Variants in MID2 observed in about 807,000 individuals in gnomAD.
MID2 encodes midline 2.
Under a neutral mutation model 46.1 loss-of-function variants are expected in MID2, and 13 were observed. That is an observed-to-expected ratio of 0.28 (90% CI 0.18 to 0.45). The LOEUF is 0.45. Ranked by LOEUF, MID2 falls within the 20% of genes least tolerant of loss-of-function variation. The pLI, the probability that MID2 is intolerant of heterozygous loss-of-function variation, is 1.00. For missense variants in MID2, 431 were observed against 575.4 expected (o/e 0.75, Z 2.57); for synonymous variants, 199 against 212.3 (o/e 0.94, Z 0.55).
At chrX:107,920,397 A>C (rs997389064) in intron 7 of MID2, among the ~76,000 whole-genome samples, 2 of 112,158 alleles carry the variant, frequency 1.8e-5, no homozygotes, top group Non-Finnish European at 3.8e-5. Flanking sequence ...ATTCCAACAG[A>C]TATTTGAGTG....
At chrX:107,839,115 A>T (rs1458766729) in intron 1 of MID2, among the ~76,000 whole-genome samples, 1 of 106,064 alleles carries the variant, frequency 9.4e-6, no homozygotes, top group Non-Finnish European at 2.0e-5. Context: ...ACACCTTGTT[A>T]AAAAAAAAAG....
At chrX:107,902,079 A>C (rs1932798729) in intron 3 of MID2, among the ~76,000 whole-genome samples, 1 of 112,046 alleles carries the variant, frequency 8.9e-6, no homozygotes, top group South Asian at 3.7e-4. Flanking sequence ...CCCAAATCTC[A>C]TCCCTGCTAT....
At chrX:107,845,525 A>ACTCTCTCTCTCTCTCTCTCT (rs766707051) in intron 2 of MID2, among the ~76,000 whole-genome samples, 2 of 72,946 alleles carry the variant, frequency 2.7e-5, no homozygotes, top group Admixed American at 1.4e-4. Context: ...ACACACACAC[A>ACTCTCTCTCTCTCTCTCTCT]CTCTCTCTCT....
intron 3 of MID2, among the ~76,000 whole-genome samples, chrX:107,890,080 G>A (rs747372090): frequency 4.5e-5 from 5 of 111,500 alleles, no homozygotes; most frequent in African/African-American, 6.5e-5. Context: ...CCTTTAGCTC[G>A]GAGTAGTTTG....
rs1930935399 is a variant in MID2 at position 107,826,146 on chromosome X, AACTCTT to A, written c.-279_-274del. 1 of 294,487 alleles carries A rather than the reference AACTCTT, an allele frequency of 3.4e-6. No individual in the cohort carries two copies. Among genetic ancestry groups the A allele is most frequent in the Non-Finnish European group, 5.9e-6 (1 of 169,498 alleles). 24.3% of individuals were successfully genotyped at this position (294,487 alleles called of 1,213,427 possible). On this transcript the variant is annotated 5_prime_UTR_variant, in exon 1 of 10. Coordinates refer to ENST00000262843, the MANE Select transcript of MID2 (RefSeq NM_012216.4). ...TGCTGCCCCTGGACTGAGGGGCGAA[AACTCTT>A]AAGTTTAGCTCGGGAGGCCCAGCTG... is the stretch of plus-strand genomic sequence containing the variant.
intron 7 of MID2, among the ~76,000 whole-genome samples, chrX:107,919,220 G>A (rs941615351): frequency 1.3e-4 from 14 of 111,367 alleles, no homozygotes; most frequent in African/African-American, 4.6e-4. Flanking sequence ...ATTTACAAAT[G>A]CTCCCACATA....
At chrX:107,833,429 A>ATTT (rs1192153525) in intron 1 of MID2, among the ~76,000 whole-genome samples, 11 of 104,414 alleles carry the variant, frequency 1.1e-4, no homozygotes, top group African/African-American at 3.6e-4. Flanking sequence ...ATATATATAT[A>ATTT]TTTTTTTTAA....
At position 107,882,815 on chromosome X, in the gene MID2, A is replaced by G. The variant is rs146201586; in HGVS notation, c.817-21143A>G. 6.8e-3 allele frequency among the ~76,000 whole-genome samples: 767 copies of G among 112,143 alleles called. 4 individuals are homozygous for G. The highest frequency in any genetic ancestry group is 0.012 in the Non-Finnish European group (624 of 53,205). On this transcript the variant is annotated intron_variant, in intron 3 of 9. Coordinates refer to ENST00000262843, the MANE Select transcript of MID2 (RefSeq NM_012216.4). ...CGTGGCAATTCTTCAAGGATCTGGAACTAGAAATACAATTTGTCCTAGCAA... is the reference window on the plus strand; with the variant it reads ...CGTGGCAATTCTTCAAGGATCTGGAGCTAGAAATACAATTTGTCCTAGCAA...
chrX:107,831,227 G>A (rs1411793365), intron 1 of MID2, among the ~76,000 whole-genome samples: 2 of 111,686 alleles, frequency 1.8e-5, no homozygotes, highest in Non-Finnish European at 1.9e-5. Flanking sequence ...TCCCTGCAGA[G>A]CTCTGGCTGC....
intron 5 of MID2, among the ~76,000 whole-genome samples, chrX:107,912,725 C>T (rs887821757): frequency 2.0e-4 from 22 of 110,966 alleles, no homozygotes; most frequent in Admixed American, 1.9e-3. Flanking sequence ...GGTTATGATT[C>T]CCAACTCTTT....
intron 3 of MID2, among the ~76,000 whole-genome samples, chrX:107,886,846 G>T (rs1242864270): frequency 8.9e-6 from 1 of 111,745 alleles, no homozygotes; most frequent in East Asian, 2.8e-4. Flanking sequence ...GACATCCCTT[G>T]TAAGTTGGAT....
intron 3 of MID2, among the ~76,000 whole-genome samples, chrX:107,859,829 G>C (rs1482810390): frequency 8.9e-6 from 1 of 112,206 alleles, no homozygotes; most frequent in Non-Finnish European, 1.9e-5. Context: ...GACGTTCAGG[G>C]AACTATCAGA....
intron 1 of MID2, among the ~76,000 whole-genome samples, chrX:107,828,310 C>CTTT (rs766362742): frequency 0.067 from 5,515 of 82,847 alleles, 350 homozygotes; most frequent in African/African-American, 0.15. Flanking sequence ...TCTTTCTTTT[C>CTTT]TTTTTTTTTT....
intron 3 of MID2, among the ~76,000 whole-genome samples, chrX:107,872,725 T>C (rs1932102199): frequency 9.0e-6 from 1 of 111,618 alleles, no homozygotes; most frequent in African/African-American, 3.3e-5. Flanking sequence ...CTGGGTTGAA[T>C]AGAGGTGGCC....
chrX:107,890,083 G>A (rs951983566), intron 3 of MID2, among the ~76,000 whole-genome samples: 13 of 111,761 alleles, frequency 1.2e-4, no homozygotes, highest in African/African-American at 3.9e-4. Flanking sequence ...TTAGCTCGGA[G>A]TAGTTTGATC....
At position 107,841,241 on chromosome X, in the gene MID2, G is replaced by T. The variant is rs1264890820; in HGVS notation, c.576G>T (p.Gly192=). 1 of 1,209,270 alleles carries T rather than the reference G, an allele frequency of 8.3e-7. No individual in the cohort carries two copies. The highest frequency in any genetic ancestry group is 1.8e-5 in the African/African-American group (1 of 56,934). Residue 192 remains glycine (G), a synonymous_variant, in exon 2 of 10, where the codon GGG becomes GGT. Coordinates refer to ENST00000262843, the MANE Select transcript of MID2 (RefSeq NM_012216.4). ...VEPVPDTHLR[G]ITCLDHENEK... is the part of the protein sequence containing the mutation. Reference sequence around the variant, plus strand: ...CAGTGCCAGACACACATCTTCGAGGGATCACCTGCCTGGACCATGAGAATG... The same window carrying T: ...CAGTGCCAGACACACATCTTCGAGGTATCACCTGCCTGGACCATGAGAATG...
intron 4 of MID2, among the ~76,000 whole-genome samples, chrX:107,905,238 G>A (rs1353930834): frequency 9.0e-6 from 1 of 110,500 alleles, no homozygotes; most frequent in African/African-American, 3.3e-5. Context: ...GTAGATAACC[G>A]AGAGTATATG....
chrX:107,920,205 T>C (rs1933044523), intron 7 of MID2, among the ~76,000 whole-genome samples: 1 of 112,428 alleles, frequency 8.9e-6, no homozygotes, highest in African/African-American at 3.2e-5. Context: ...AGAGCTACTT[T>C]CCTTTGACGT....
intron 3 of MID2, among the ~76,000 whole-genome samples, chrX:107,902,588 C>T (rs1932803545): frequency 1.8e-5 from 2 of 111,630 alleles, no homozygotes; most frequent in Admixed American, 1.9e-4. Context: ...ATAAGATTGT[C>T]ACTCAGCAAC....
Sources: gnomAD v4.1 joint callset for allele counts (sites outside exome capture counted in the v4.1 genomes callset) on GRCh38, gnomAD v4.1.1 for gene constraint, MANE v1.5 for transcripts, NCBI Gene and HGNC (gene_info 2026-07-23, HGNC 2026-07-21) for gene names.